Variants in ARHGEF7 observed in about 807,000 individuals in gnomAD.
ARHGEF7 encodes PAK-interacting exchange factor beta.
A neutral mutation model predicts 109.8 loss-of-function variants in ARHGEF7; 33 were observed. The observed-to-expected ratio is 0.30, with a 90% CI of 0.23 to 0.40. The LOEUF (loss-of-function observed/expected upper bound fraction) is 0.40. ARHGEF7 is among the 10% of genes least tolerant of loss of function. ARHGEF7 has a pLI of 1.00. For missense variants in ARHGEF7, 938 were observed against 1,098.5 expected (o/e 0.85, Z 2.07); for synonymous variants, 458 against 424.6 (o/e 1.08, Z -0.97).
chr13:111,199,473 CTA>C (rs977614330), intron 2 of ARHGEF7, among the ~76,000 whole-genome samples: 7 of 152,194 alleles, frequency 4.6e-5, no homozygotes, highest in Admixed American at 4.6e-4. Flanking sequence ...GCACAGGTGA[CTA>C]TAAGCTCCCT....
At position 111,131,991 on chromosome 13, in the gene ARHGEF7, C is replaced by T. The variant is rs2074779091; in HGVS notation, c.165+16300C>T. Among the ~76,000 whole-genome samples the T allele has an allele frequency of 6.6e-6, 1 of 152,174 alleles. No individual in the cohort carries two copies. Among genetic ancestry groups the T allele is most frequent in the South Asian group, 2.1e-4 (1 of 4,830 alleles). On this transcript the variant is annotated intron_variant, in intron 1 of 21. Transcript: ENST00000646102. The surrounding 1 kb of genome is among the most constrained non-coding windows in gnomAD (Gnocchi z 4.4). ...GTGGACCGTGAGCCCTGTGGAAACC[C>T]ACCCATGGAGGGGTGCATGCACCTG...
intron 19 of ARHGEF7, chr13:111,293,849 A>G (rs1737220507): frequency 1.0e-6 from 1 of 985,312 alleles, no homozygotes; most frequent in Non-Finnish European, 1.2e-6. Flanking sequence ...CTGATGCAGT[A>G]TCAGTCTTGT....
chr13:111,292,852 T>A (rs896741009), intron 19 of ARHGEF7: 1 of 991,712 alleles, frequency 1.0e-6, no homozygotes, highest in African/African-American at 1.7e-5. Flanking sequence ...GGCTGTGTTC[T>A]GGTAATCGTG....
At chr13:111,231,324 C>T (rs927098810) in intron 5 of ARHGEF7, among the ~76,000 whole-genome samples, 15 of 152,312 alleles carry the variant, frequency 9.8e-5, no homozygotes, top group Middle Eastern at 3.4e-3. Flanking sequence ...GGTTTTCCTC[C>T]TTGTAGCTCT....
At chr13:111,210,217 T>TAAA (rs2082330716) in intron 4 of ARHGEF7, among the ~76,000 whole-genome samples, 1 of 152,228 alleles carries the variant, frequency 6.6e-6, no homozygotes, top group Non-Finnish European at 1.5e-5. Flanking sequence ...AGAAACTCAT[T>TAAA]TGTTTTTAGG....
At position 111,194,401 on chromosome 13, in the gene ARHGEF7, C is replaced by T. The variant is rs371987480; in HGVS notation, c.253-10888C>T. ...AGGGGCCTGGCTATCTCGCTGTATC[C>T]GGCAGTCCATAGTTGGCAAAACCCA... On this transcript the variant is annotated intron_variant, in intron 2 of 21. Coordinates refer to ENST00000646102, the MANE Select transcript of ARHGEF7 (RefSeq NM_001354046.2). 1.2e-4 allele frequency among the ~76,000 whole-genome samples: 19 copies of T among 152,196 alleles called. 1 individual carries two copies. The South Asian group carries it at 1.5e-3, about 12-fold the overall frequency.
At chr13:111,127,879 C>G (rs1197120313) in intron 1 of ARHGEF7, among the ~76,000 whole-genome samples, 1 of 151,926 alleles carries the variant, frequency 6.6e-6, no homozygotes, top group Non-Finnish European at 1.5e-5. Flanking sequence ...ATATCATAAC[C>G]AAGAAGCATT....
intron 6 of ARHGEF7, 40 bp downstream of exon 6, chr13:111,233,333 G>A: frequency 6.6e-7 from 1 of 1,516,702 alleles, no homozygotes; most frequent in Non-Finnish European, 9.2e-7. Flanking sequence ...ACTGGTTTTT[G>A]ACTGCCTGTA....
chr13:111,149,296 T>A (rs2075774157), intron 1 of ARHGEF7, among the ~76,000 whole-genome samples: 1 of 152,008 alleles, frequency 6.6e-6, no homozygotes. Context: ...CAGATAAAAC[T>A]TTGCTTTTTA....
chr13:111,284,078 AGTT>A (rs1015480973), intron 16 of ARHGEF7, among the ~76,000 whole-genome samples: 3 of 152,106 alleles, frequency 2.0e-5, no homozygotes, highest in African/African-American at 7.2e-5. Context: ...TTGAGATGAG[AGTT>A]GTTTTCATAA....
chr13:111,150,325 A>G (rs1355941913), intron 1 of ARHGEF7, among the ~76,000 whole-genome samples: 2 of 152,196 alleles, frequency 1.3e-5, no homozygotes, highest in Admixed American at 6.5e-5. Context: ...CTGCTGTGAG[A>G]AGGACAATTC....
Position 111,303,038 on chromosome 13 carries a change from C to A in ARHGEF7, c.2514C>A (p.Arg838=). 6.2e-7 allele frequency: 1 copy of A among 1,614,150 alleles called. No individual in the cohort carries two copies. The highest frequency in any genetic ancestry group is 8.5e-7 in the Non-Finnish European group (1 of 1,180,000). ...KKSLEEEQRA[R]KDLEKLVRKV... Reference sequence around the variant, plus strand: ...CTCTAGAGGAAGAACAGAGAGCCCGCAAAGACCTGGAGAAGCTGGTGAGGA... The same window carrying A: ...CTCTAGAGGAAGAACAGAGAGCCCGAAAAGACCTGGAGAAGCTGGTGAGGA... Residue 838 remains arginine, a synonymous_variant, in exon 22 of 22, where the codon CGC becomes CGA. Coordinates refer to ENST00000646102, the MANE Select transcript of ARHGEF7 (RefSeq NM_001354046.2).
At chr13:111,159,462 C>G (rs1292854415) in intron 2 of ARHGEF7, among the ~76,000 whole-genome samples, 1 of 152,208 alleles carries the variant, frequency 6.6e-6, no homozygotes, top group Non-Finnish European at 1.5e-5. Context: ...AACCTCCATA[C>G]TGTTTCCCAG....
chr13:111,289,535 G>A (rs548535760), intron 18 of ARHGEF7, among the ~76,000 whole-genome samples: 30 of 152,322 alleles, frequency 2.0e-4, no homozygotes, highest in Admixed American at 6.5e-4. Context: ...TATTATCTCA[G>A]CATAGAAACT....
At position 111,282,595 on chromosome 13, in the gene ARHGEF7, C is replaced by G. The variant is rs191592941; in HGVS notation, c.1726-544C>G. On this transcript the variant is annotated intron_variant, in intron 15 of 21. Coordinates refer to ENST00000646102, the MANE Select transcript of ARHGEF7 (RefSeq NM_001354046.2). ...GGTTCAGGCCTCTTGCAGCTGTACTCTGCCCTTGGAACACAACAGCAGTTT... is the reference window on the plus strand; with the variant it reads ...GGTTCAGGCCTCTTGCAGCTGTACTGTGCCCTTGGAACACAACAGCAGTTT... Among the ~76,000 whole-genome samples, 282 of 152,346 alleles carry G rather than the reference C, an allele frequency of 1.9e-3. 1 individual carries two copies. The highest frequency in any genetic ancestry group is 1.6e-3 in the Non-Finnish European group (107 of 68,040).
chr13:111,174,058 A>G (rs2077863879), intron 2 of ARHGEF7, among the ~76,000 whole-genome samples: 1 of 152,170 alleles, frequency 6.6e-6, no homozygotes, highest in South Asian at 2.1e-4. Flanking sequence ...CCCCTGTACT[A>G]TTCGGATAAG....
chr13:111,237,707 A>G (rs2087023835), intron 6 of ARHGEF7, among the ~76,000 whole-genome samples: 1 of 152,262 alleles, frequency 6.6e-6, no homozygotes, highest in Non-Finnish European at 1.5e-5. Flanking sequence ...ATTTGTAGTT[A>G]CTAAAGTGTA....
Position 111,274,775 on chromosome 13 carries a change from C to A in ARHGEF7, c.1257C>A (p.Ala419=). 1 of 1,489,802 alleles carries A rather than the reference C, an allele frequency of 6.7e-7. No individual in the cohort carries two copies. The highest frequency in any genetic ancestry group is 1.4e-5 in the African/African-American group (1 of 69,524). The allele number at this position is 1,489,802 out of a possible 1,614,324, so 92.3% of individuals were successfully genotyped here. The stretch of plus-strand genomic sequence containing the variant: ...AAGATATTCAAAAATCCATGGCTGC[C>A]TTCAAAAACCTTTCAGTAAGTGATT... ...DRQDIQKSMA[A]FKNLSAQCQE... Residue 419 remains alanine (A), a synonymous_variant, in exon 11 of 22, where the codon GCC becomes GCA. Coordinates refer to ENST00000646102, the MANE Select transcript of ARHGEF7 (RefSeq NM_001354046.2).
At chr13:111,212,152 T>G (rs981716803) in intron 4 of ARHGEF7, among the ~76,000 whole-genome samples, 1 of 152,226 alleles carries the variant, frequency 6.6e-6, no homozygotes, top group Non-Finnish European at 1.5e-5. Flanking sequence ...GGGACAGATT[T>G]CCTGTCTTGG....
Sources: allele counts gnomAD v4.1 joint callset (sites outside exome capture counted in the v4.1 genomes callset), GRCh38; gene constraint gnomAD v4.1.1; non-coding constraint Gnocchi (gnomAD v3.1); transcripts MANE v1.5; gene names NCBI Gene and HGNC (gene_info 2026-07-23, HGNC 2026-07-21).